The following OSBPL8 variants were observed in gnomAD, a reference collection of about 807,000 sequenced individuals.
OSBPL8 encodes the protein oxysterol binding protein like 8, also known as oxysterol-binding protein-related protein 8.
A neutral mutation model predicts 125.5 loss-of-function variants in OSBPL8; 59 were observed. The observed-to-expected ratio is 0.47, with a 90% CI of 0.38 to 0.58. The LOEUF is 0.58. OSBPL8 is among the 20% of genes least tolerant of loss of function. The probability of loss-of-function intolerance (pLI) is 0.00; values close to 1 mark genes in which losing one functional copy is unlikely to be tolerated. For synonymous variants in OSBPL8, 330 were observed against 338.9 expected (o/e 0.97, Z 0.29); for missense variants, 758 against 1,047.8 (o/e 0.72, Z 3.82).
intron 1 of OSBPL8, among the ~76,000 whole-genome samples, chr12:76,508,260 G>T (rs144169885): frequency 1.3e-5 from 2 of 152,114 alleles, no homozygotes; most frequent in African/African-American, 4.8e-5. Context: ...ACTAAAAAAA[G>T]AAGTCAGATT....
chr12:76,367,377 C>CA (rs1330795946), intron 21 of OSBPL8, among the ~76,000 whole-genome samples: 1 of 151,916 alleles, frequency 6.6e-6, no homozygotes, highest in Non-Finnish European at 1.5e-5. Flanking sequence ...TACTATTGGC[C>CA]ACCTCATTTT....
At chr12:76,454,731 A>T (rs1436017646) in intron 3 of OSBPL8, among the ~76,000 whole-genome samples, 2 of 82,450 alleles carry the variant, frequency 2.4e-5, no homozygotes, top group African/African-American at 1.4e-4. Flanking sequence ...TAAAAAATTA[A>T]AAAAAAAAAA....
At chr12:76,530,501 T>C (rs1950305968) in intron 1 of OSBPL8, among the ~76,000 whole-genome samples, 1 of 152,180 alleles carries the variant, frequency 6.6e-6, no homozygotes, top group Non-Finnish European at 1.5e-5. Context: ...AATAGCAAAA[T>C]AGCAACTTGC....
At chr12:76,356,162 T>TGGGGGGGGGGGGGGGGGGTAGGGGGGGGG in intron 23 of OSBPL8, 141 bp from the exon 24 acceptor site, 1 of 131,834 alleles carries the variant, frequency 7.6e-6, no homozygotes, top group Admixed American at 8.8e-5. Flanking sequence ...TATGTAGGGG[T>TGGGGGGGGGGGGGGGGGGTAGGGGGGGGG]GGGGGGGGGC....
At chr12:76,431,629 A>G (rs1870836103) in intron 4 of OSBPL8, among the ~76,000 whole-genome samples, 1 of 152,168 alleles carries the variant, frequency 6.6e-6, no homozygotes, top group Non-Finnish European at 1.5e-5. Flanking sequence ...GGAAAAATGG[A>G]CTATAAGTCA....
intron 3 of OSBPL8, among the ~76,000 whole-genome samples, chr12:76,455,116 A>T (rs998625881): frequency 6.6e-6 from 1 of 151,834 alleles, no homozygotes; most frequent in South Asian, 2.1e-4. Context: ...GTTGGTGGGC[A>T]CCTGTAGTCC....
chr12:76,435,155 C>CGTGTGTGTGT lies in OSBPL8; in HGVS notation c.217+15686_217+15695dup, dbSNP rs71082308. Among the ~76,000 whole-genome samples the CGTGTGTGTGT allele has an allele frequency of 2.8e-3, 409 of 146,544 alleles. 3 individuals carry two copies. Among genetic ancestry groups the CGTGTGTGTGT allele is most frequent in the African/African-American group, 9.6e-3 (388 of 40,242 alleles). On this transcript the variant is annotated intron_variant, in intron 4 of 23. Coordinates refer to ENST00000261183, the MANE Select transcript of OSBPL8 (RefSeq NM_020841.5). Reference sequence around the variant, plus strand: ...ACTGAGGTGTTTGTGTATATATCTACGTGTGTGTGTGTGTGTGTGTGTGTG... The same window carrying CGTGTGTGTGT: ...ACTGAGGTGTTTGTGTATATATCTACGTGTGTGTGTGTGTGTGTGTGTGTGTGTGTGTGTG...
At chr12:76,547,230 T>C (rs1388295853) in intron 1 of OSBPL8, among the ~76,000 whole-genome samples, 1 of 152,150 alleles carries the variant, frequency 6.6e-6, no homozygotes, top group Non-Finnish European at 1.5e-5. Flanking sequence ...TTAAACAAGA[T>C]TTGCATTCTG....
intron 1 of OSBPL8, among the ~76,000 whole-genome samples, chr12:76,494,477 G>A (rs1261065827): frequency 1.3e-5 from 2 of 152,120 alleles, no homozygotes; most frequent in African/African-American, 2.4e-5. Context: ...CAGTTAAAAG[G>A]TTACTGCATT....
chr12:76,446,144 T>C (rs1359367406), intron 4 of OSBPL8, among the ~76,000 whole-genome samples: 3 of 152,174 alleles, frequency 2.0e-5, no homozygotes, highest in Non-Finnish European at 2.9e-5. Flanking sequence ...CTCAGAGACA[T>C]GAGGACCTTT....
rs1366704778 is a variant in OSBPL8, at chr12:76,353,445, T to C, written c.*2444A>G. On this transcript the variant is annotated 3_prime_UTR_variant, in exon 24 of 24. Coordinates refer to ENST00000261183, the MANE Select transcript of OSBPL8 (RefSeq NM_020841.5). ...AATTTTCATGTAGGAAAATAAAATC[T>C]TGGTAAATGAAAAAAACTGGTCATA... is the stretch of plus-strand genomic sequence containing the variant. The C allele has an allele frequency of 6.6e-6, 1 of 151,790 alleles. No individual in the cohort carries two copies. The highest frequency in any genetic ancestry group is 1.5e-5 in the Non-Finnish European group (1 of 67,794). 9.4% of individuals were successfully genotyped at this position (151,790 alleles called of 1,614,324 possible). A position where few individuals can be genotyped will look rare whatever the true frequency, so the allele number is the denominator to read the frequency against.
intron 1 of OSBPL8, among the ~76,000 whole-genome samples, chr12:76,500,255 T>C (rs906699540): frequency 1.3e-5 from 2 of 152,232 alleles, no homozygotes; most frequent in Non-Finnish European, 2.9e-5. Flanking sequence ...AATTGAGTTA[T>C]TTGCTATTCT....
At chr12:76,496,151 T>C (rs1300246464) in intron 1 of OSBPL8, among the ~76,000 whole-genome samples, 1 of 149,428 alleles carries the variant, frequency 6.7e-6, no homozygotes, top group Non-Finnish European at 1.5e-5. Flanking sequence ...TAGTCTCTTC[T>C]TGTTTCATGT....
At position 76,355,835 on chromosome 12, in the gene OSBPL8, G is replaced by C; in HGVS notation, c.*54C>G. 1 of 1,561,434 alleles carries C rather than the reference G, an allele frequency of 6.4e-7. No homozygotes were observed. Among genetic ancestry groups the C allele is most frequent in the Non-Finnish European group, 8.7e-7 (1 of 1,154,806 alleles). On this transcript the variant is annotated 3_prime_UTR_variant, in exon 24 of 24. Coordinates refer to ENST00000261183, the MANE Select transcript of OSBPL8 (RefSeq NM_020841.5). The stretch of plus-strand genomic sequence containing the variant: ...TAAAGACCAAACCAACTTGAACACT[G>C]GTCCCAGGCCAAATCAGATCTTTCT...
In OSBPL8 at chr12:76,512,392, T is replaced by C. The variant is rs544673045; in HGVS notation, c.-67-24774A>G. On this transcript the variant is annotated intron_variant, in intron 1 of 23. Coordinates refer to ENST00000261183, the MANE Select transcript of OSBPL8 (RefSeq NM_020841.5). ...GTCACTGATGGGCATTTAGGTTGATTCCATATCTTTGTTACTGTGAACAGC... is the reference window on the plus strand; with the variant it reads ...GTCACTGATGGGCATTTAGGTTGATCCCATATCTTTGTTACTGTGAACAGC... 1.5e-4 allele frequency among the ~76,000 whole-genome samples: 23 copies of C among 152,344 alleles called. No individual in the cohort carries two copies. In the South Asian group the frequency reaches 4.6e-3, roughly 30 times the overall value.
chr12:76,538,036 A>C (rs191838316), intron 1 of OSBPL8: 2 of 152,372 alleles, frequency 1.3e-5, no homozygotes, highest in Non-Finnish European at 2.9e-5. Flanking sequence ...CTCTTTATTG[A>C]GAAAGGCTGT....
At chr12:76,506,235 GA>G (rs1274736371) in intron 1 of OSBPL8, among the ~76,000 whole-genome samples, 5 of 152,172 alleles carry the variant, frequency 3.3e-5, no homozygotes, top group Admixed American at 6.5e-5. Context: ...AAGACTTGGG[GA>G]AGAAAGGGAT....
chr12:76,555,363 C>T (rs1951061891), intron 1 of OSBPL8, among the ~76,000 whole-genome samples: 1 of 151,022 alleles, frequency 6.6e-6, no homozygotes, highest in Non-Finnish European at 1.5e-5. Flanking sequence ...AGCAGTAATA[C>T]AATTAGGCCT....
At chr12:76,384,162 G>A in intron 15 of OSBPL8, 92 bp downstream of exon 15, 2 of 611,972 alleles carry the variant, frequency 3.3e-6, no homozygotes, top group Non-Finnish European at 5.3e-6. Context: ...CAAACTCCTT[G>A]TTGAAAATAG....
Sources: gnomAD v4.1 joint callset for allele counts (sites outside exome capture counted in the v4.1 genomes callset) on GRCh38, gnomAD v4.1.1 for gene constraint, MANE v1.5 for transcripts, NCBI Gene and HGNC (gene_info 2026-07-23, HGNC 2026-07-21) for gene names.